Variants in RYR2 observed in about 807,000 individuals in gnomAD.
RYR2 encodes the protein ryanodine receptor 2.
RYR2 carries 227 observed loss-of-function variants against 601.1 expected under a neutral mutation model. The ratio of observed to expected loss-of-function variants is 0.38; its 90% CI spans 0.34 to 0.42. RYR2 has a LOEUF of 0.42. Among genes scored for constraint, RYR2 ranks in the 10% least tolerant of loss-of-function variants. RYR2 has a pLI of 1.00. For missense variants in RYR2, 4,646 were observed against 6,156.5 expected, an observed-to-expected ratio of 0.75 and a Z score of 8.21; for synonymous variants, 2,223 against 2,175.1, an observed-to-expected ratio of 1.02 and a Z score of -0.61.
At chr1:237,465,764 AC>A (rs1558866235) in intron 16 of RYR2, among the ~76,000 whole-genome samples, 1 of 152,252 alleles carries the variant, frequency 6.6e-6, no homozygotes, top group Non-Finnish European at 1.5e-5. Context: ...CTATGGCTGT[AC>A]ATTTGTACAG....
chr1:237,075,336 G>A (rs982636433), intron 1 of RYR2, among the ~76,000 whole-genome samples: 8 of 151,296 alleles, frequency 5.3e-5, no homozygotes, highest in African/African-American at 1.7e-4. Context: ...GCAGAAGACG[G>A]GTGATTTCTG....
intron 89 of RYR2, among the ~76,000 whole-genome samples, chr1:237,782,785 A>ATATT (rs1252292881): frequency 1.3e-5 from 2 of 152,196 alleles, no homozygotes; most frequent in African/African-American, 4.8e-5. Context: ...TTCAATGGTA[A>ATATT]TATTATCTCA....
intron 10 of RYR2, among the ~76,000 whole-genome samples, chr1:237,411,658 G>A (rs777154991): frequency 2.0e-5 from 3 of 152,108 alleles, no homozygotes; most frequent in Non-Finnish European, 1.5e-5. Context: ...ATTCTTCACA[G>A]TAACCCAGTA....
chr1:237,144,607 T>C (rs1254261160), intron 1 of RYR2, among the ~76,000 whole-genome samples: 1 of 152,212 alleles, frequency 6.6e-6, no homozygotes, highest in Non-Finnish European at 1.5e-5. Context: ...AACTTACAAC[T>C]TTTCTATAGT....
chr1:237,522,446 C>T (rs1402173333), intron 24 of RYR2, among the ~76,000 whole-genome samples: 2 of 152,240 alleles, frequency 1.3e-5, no homozygotes, highest in Admixed American at 6.5e-5. Context: ...GTCAGGTTCA[C>T]TTCTTTCGAA....
At chr1:237,715,631 T>C (rs2149095039) in intron 71 of RYR2, among the ~76,000 whole-genome samples, 1 of 152,090 alleles carries the variant, frequency 6.6e-6, no homozygotes, top group South Asian at 2.1e-4. Flanking sequence ...CAAAAGAACT[T>C]TACAGGTTAA....
chr1:237,820,685 G>A (rs748329542), intron 101 of RYR2, among the ~76,000 whole-genome samples: 3 of 152,110 alleles, frequency 2.0e-5, no homozygotes, highest in African/African-American at 4.8e-5. Flanking sequence ...CCATTCACTC[G>A]CCTGGAAAGG....
chr1:237,742,111 A>G (rs1691660262), intron 79 of RYR2, among the ~76,000 whole-genome samples, 185 bp from the exon 80 acceptor site: 1 of 152,168 alleles, frequency 6.6e-6, no homozygotes, highest in South Asian at 2.1e-4. Flanking sequence ...TAAAAGCACT[A>G]TATATAATTT....
Position 237,614,028 on chromosome 1 carries a change from C to G in RYR2, c.4911-11C>G. ...TTTCTAATCTTACTACCACTCTCCT[C>G]CCTTCTACAGATCTGTTGACATCTT... On this transcript the variant is annotated splice_polypyrimidine_tract_variant and intron_variant, in intron 36 of 104. Transcript: ENST00000366574. The surrounding 1 kb of genome is among the most constrained non-coding windows in gnomAD (Gnocchi z 4.3). 1 of 1,604,404 alleles carries G rather than the reference C, an allele frequency of 6.2e-7. No homozygotes were observed. Among genetic ancestry groups the G allele is most frequent in the African/African-American group, 1.3e-5 (1 of 74,854 alleles).
At chr1:237,831,814 G>A (rs916027595) in intron 104 of RYR2, among the ~76,000 whole-genome samples, 4 of 151,948 alleles carry the variant, frequency 2.6e-5, no homozygotes, top group African/African-American at 9.7e-5. Flanking sequence ...TTTGAGTTTT[G>A]AATTCCATTA....
At chr1:237,072,800 T>TA (rs906768108) in intron 1 of RYR2, among the ~76,000 whole-genome samples, 16 of 151,812 alleles carry the variant, frequency 1.1e-4, no homozygotes, top group African/African-American at 3.9e-4. Flanking sequence ...TACAAAAAAT[T>TA]ACCCAGGCGT....
rs1695316005 is a variant in RYR2, at chr1:237,783,731, T to G, written c.12019T>G (p.Ser4007Ala). ...GATGGTGGATATGCTTGTGGAATCT[T>G]CCAACAACGTGGAGATGATTCTCAA... ...KQMVDMLVES[S>A]NNVEMILKFF... Residue 4007 changes from serine to alanine, a missense_variant, in exon 90 of 105, where the codon TCC (serine) becomes GCC (alanine). Coordinates refer to ENST00000366574, the MANE Select transcript of RYR2 (RefSeq NM_001035.3). 1.9e-6 allele frequency: 3 copies of G among 1,612,450 alleles called. No individual in the cohort carries two copies. In the East Asian group the frequency reaches 6.7e-5, roughly 36 times the overall value.
At chr1:237,283,132 C>G (rs1193485349) in intron 2 of RYR2, among the ~76,000 whole-genome samples, 3 of 152,170 alleles carry the variant, frequency 2.0e-5, no homozygotes, top group Admixed American at 2.0e-4. Context: ...GCGTTCTTCA[C>G]CTGAAGGAAG....
intron 1 of RYR2, among the ~76,000 whole-genome samples, chr1:237,103,659 G>A (rs1668363680): frequency 6.6e-6 from 1 of 152,116 alleles, no homozygotes; most frequent in Admixed American, 6.5e-5. Context: ...ACATCCACCT[G>A]CCAGATTCAA....
rs752139241 is a variant in RYR2 at position 237,625,753 on chromosome 1, C to A, written c.6115C>A (p.Leu2039Met). Reference sequence around the variant, plus strand: ...ATCCCTGGTAGAAAAGGTGACATATCTGAAGAAGAAGCAAGCAGAAAAACC... The same window carrying A: ...ATCCCTGGTAGAAAAGGTGACATATATGAAGAAGAAGCAAGCAGAAAAACC... ...LLSLVEKVTY[L>M]KKKQAEKPVE... is the part of the protein sequence containing the mutation. The change falls in exon 40 of 105, where the codon CTG becomes ATG. Residue 2039 changes from leucine (L) to methionine (M), a missense_variant. Physicochemically the swap from Leu to Met is conservative, Grantham distance 15. This residue lies in a region of RYR2 where 170 missense variants were observed against 184.5 expected (regional missense o/e 0.92). Transcript: ENST00000366574. 4.3e-6 allele frequency: 7 copies of A among 1,613,722 alleles called. No individual in the cohort carries two copies. The South Asian group carries it at 7.7e-5, about 18-fold the overall frequency.
rs760015622 is a variant in RYR2, at chr1:237,784,523, G to A, written c.12811G>A (p.Val4271Ile). The change falls in exon 90 of 105, where the codon GTA (valine) becomes ATA (isoleucine). Residue 4271 changes from valine (V) to isoleucine (I), a missense_variant. Around this residue, in one of 17 missense-constraint regions of RYR2, gnomAD observed 364 missense variants for 442.9 expected, o/e 0.82. Transcript: ENST00000366574. This position sits in a 1 kb window ranked among gnomAD's most constrained non-coding sequence, Gnocchi z 7.1. The stretch of plus-strand genomic sequence containing the variant: ...GAGCCTGAAGAAGCAGATGAAAAAA[G>A]TAAAAAAGATGACCGTGAAGGACAT... ...LKSLKKQMKK[V>I]KKMTVKDMVT... 3 of 1,613,666 alleles carry A rather than the reference G, an allele frequency of 1.9e-6. No homozygotes were observed. The African/African-American group carries it at 4.0e-5, about 22-fold the overall frequency.
At chr1:237,096,564 T>C (rs916825930) in intron 1 of RYR2, among the ~76,000 whole-genome samples, 1 of 152,230 alleles carries the variant, frequency 6.6e-6, no homozygotes, top group African/African-American at 2.4e-5. Context: ...TATATTGGTA[T>C]ATATTTGGCA....
At chr1:237,121,064 G>A (rs1012390987) in intron 1 of RYR2, 5 of 152,204 alleles carry the variant, frequency 3.3e-5, no homozygotes, top group African/African-American at 9.7e-5. Flanking sequence ...ACATGTGTGT[G>A]TGTGTACATC....
At chr1:237,626,801 T>C (rs1166565879) in intron 40 of RYR2, among the ~76,000 whole-genome samples, 2 of 151,806 alleles carry the variant, frequency 1.3e-5, no homozygotes, top group African/African-American at 4.8e-5. Context: ...GTTGAACTCC[T>C]GGTCTCAAGC....
Sources: gnomAD v4.1 joint callset for allele counts (sites outside exome capture counted in the v4.1 genomes callset) on GRCh38, gnomAD v4.1.1 for gene constraint, gnomAD v4.1.1 regional missense constraint, Gnocchi (gnomAD v3.1) non-coding constraint, MANE v1.5 for transcripts, NCBI Gene and HGNC (gene_info 2026-07-23, HGNC 2026-07-21) for gene names.